The following KCNH7 variants were observed in gnomAD, a reference collection of about 807,000 sequenced individuals.
KCNH7 encodes voltage-gated inwardly rectifying potassium channel KCNH7.
Under a neutral mutation model 120.8 loss-of-function variants are expected in KCNH7, and 49 were observed. The observed-to-expected ratio is 0.41, with a 90% CI of 0.32 to 0.51. The LOEUF is 0.51. KCNH7 is among the 20% of genes least tolerant of loss of function. KCNH7 has a pLI of 0.38. For missense variants in KCNH7, 1,097 were observed against 1,446.6 expected (o/e 0.76, Z 3.92); for synonymous variants, 547 against 516.1 (o/e 1.06, Z -0.81).
At chr2:162,551,600 A>C (rs145308898) in intron 2 of KCNH7, among the ~76,000 whole-genome samples, 126 of 152,310 alleles carry the variant, frequency 8.3e-4, no homozygotes, top group African/African-American at 3.0e-3. Flanking sequence ...GAATATACTA[A>C]GGGAAAAAGA....
intron 2 of KCNH7, among the ~76,000 whole-genome samples, chr2:162,812,997 T>A (rs546184042): frequency 6.6e-6 from 1 of 151,910 alleles, no homozygotes; most frequent in Admixed American, 6.6e-5. Context: ...ATGAAAAAAG[T>A]TGTTAAGAAT....
chr2:162,747,798 T>A (rs1198524057), intron 2 of KCNH7, among the ~76,000 whole-genome samples: 2 of 152,182 alleles, frequency 1.3e-5, no homozygotes, highest in Non-Finnish European at 2.9e-5. Context: ...TATATAACAT[T>A]TTTAAAGGAA....
rs577583598 is a variant in KCNH7 at position 162,439,271 on chromosome 2, T to C, written c.1555-3674A>G. Among the ~76,000 whole-genome samples the C allele has an allele frequency of 1.1e-4, 17 of 152,274 alleles. No homozygotes were observed. In the East Asian group the frequency reaches 2.3e-3, roughly 21 times the overall value. ...CTTTTCACTGGTATTAGAAAAATAT[T>C]GTCTGTTTATTGTTATTCTTGAAAG... is the stretch of plus-strand genomic sequence containing the variant. On this transcript the variant is annotated intron_variant, in intron 7 of 15. Coordinates refer to ENST00000332142, the MANE Select transcript of KCNH7 (RefSeq NM_033272.4).
chr2:162,534,138 T>C (rs373388386), intron 3 of KCNH7, among the ~76,000 whole-genome samples: 1 of 151,564 alleles, frequency 6.6e-6, no homozygotes, highest in East Asian at 1.9e-4. Context: ...ATTTCTAAAT[T>C]CATGGGGTAT....
At chr2:162,635,623 T>G (rs1683927894) in intron 2 of KCNH7, among the ~76,000 whole-genome samples, 1 of 152,098 alleles carries the variant, frequency 6.6e-6, no homozygotes. Context: ...TCTTTTTGAA[T>G]AGTAACTATG....
chr2:162,679,600 T>C (rs775183028), intron 2 of KCNH7, among the ~76,000 whole-genome samples: 3 of 151,692 alleles, frequency 2.0e-5, no homozygotes, highest in Non-Finnish European at 4.4e-5. Flanking sequence ...AGTATGCACA[T>C]CTTGCTTTTT....
intron 4 of KCNH7, among the ~76,000 whole-genome samples, chr2:162,513,368 T>G (rs1691165049): frequency 7.2e-6 from 1 of 138,648 alleles, no homozygotes; most frequent in Admixed American, 7.1e-5. Flanking sequence ...TTTCCTTCCT[T>G]CCTTCCTTCC....
chr2:162,675,102 C>T lies in KCNH7; in HGVS notation c.308-138022G>A, dbSNP rs541669646. The stretch of plus-strand genomic sequence containing the variant: ...AAACAGCCTAATAAAATAGGAAAAA[C>T]GAGCAGATATTTTATAGAACAAGAT... On this transcript the variant is annotated intron_variant, in intron 2 of 15. Coordinates refer to ENST00000332142, the MANE Select transcript of KCNH7 (RefSeq NM_033272.4). Among the ~76,000 whole-genome samples the T allele has an allele frequency of 2.2e-3, 335 of 151,304 alleles. 3 individuals are homozygous for T. The highest frequency in any genetic ancestry group is 7.7e-3 in the African/African-American group (318 of 41,410).
intron 2 of KCNH7, among the ~76,000 whole-genome samples, chr2:162,675,438 T>C (rs537622595): frequency 1.3e-5 from 2 of 151,636 alleles, no homozygotes; most frequent in South Asian, 4.1e-4. Flanking sequence ...GCCTACAGGA[T>C]TGTTTGGAAC....
intron 2 of KCNH7, among the ~76,000 whole-genome samples, chr2:162,624,889 G>GTTTTTTTTTTTTTTTTTTTTTT (rs66562676): frequency 1.4e-5 from 1 of 69,714 alleles, no homozygotes; most frequent in African/African-American, 6.4e-5. Flanking sequence ...TGCACTCTTG[G>GTTTTTTTTTTTTTTTTTTTTTT]TTTTTTTTTT....
intron 2 of KCNH7, among the ~76,000 whole-genome samples, chr2:162,609,767 A>G (rs1326317354): frequency 6.6e-6 from 1 of 152,160 alleles, no homozygotes; most frequent in Non-Finnish European, 1.5e-5. Context: ...AGAGACTGAG[A>G]CACGAATAAT....
At chr2:162,390,298 T>C (rs887561082) in intron 12 of KCNH7, among the ~76,000 whole-genome samples, 19 of 150,384 alleles carry the variant, frequency 1.3e-4, no homozygotes, top group Admixed American at 2.0e-4. Flanking sequence ...ATATATAAAT[T>C]ATGTATATAC....
At chr2:162,648,161 G>A (rs1265907207) in intron 2 of KCNH7, among the ~76,000 whole-genome samples, 4 of 152,286 alleles carry the variant, frequency 2.6e-5, no homozygotes, top group African/African-American at 9.6e-5. Context: ...GAAGAAAAGA[G>A]GTTTAACTGA....
intron 2 of KCNH7, among the ~76,000 whole-genome samples, chr2:162,680,662 C>T (rs1469418323): frequency 6.6e-6 from 1 of 151,718 alleles, no homozygotes; most frequent in African/African-American, 2.4e-5. Context: ...AATGTAAATA[C>T]ATATCATTAG....
chr2:162,383,687 C>A (rs1014780412), intron 13 of KCNH7, among the ~76,000 whole-genome samples: 1 of 151,852 alleles, frequency 6.6e-6, no homozygotes, highest in African/African-American at 2.4e-5. Flanking sequence ...TCTTTTGATG[C>A]TTTATTATGC....
At chr2:162,427,463 G>T (rs1017779715) in intron 8 of KCNH7, among the ~76,000 whole-genome samples, 1 of 151,936 alleles carries the variant, frequency 6.6e-6, no homozygotes, top group African/African-American at 2.4e-5. Context: ...GATGATTAAT[G>T]ACATCTTTTC....
intron 2 of KCNH7, among the ~76,000 whole-genome samples, chr2:162,586,451 TAGAC>T (rs1388982999): frequency 6.6e-6 from 1 of 152,014 alleles, no homozygotes; most frequent in African/African-American, 2.4e-5. Flanking sequence ...GGAGCCATCT[TAGAC>T]AGCCCATCTC....
At chr2:162,393,706 A>G (rs1356974045) in intron 12 of KCNH7, among the ~76,000 whole-genome samples, 1 of 151,758 alleles carries the variant, frequency 6.6e-6, no homozygotes, top group Non-Finnish European at 1.5e-5. Context: ...CTTCAGGAAA[A>G]CTTTTTCCCA....
At chr2:162,658,136 T>C (rs965995381) in intron 2 of KCNH7, among the ~76,000 whole-genome samples, 8 of 151,410 alleles carry the variant, frequency 5.3e-5, no homozygotes, top group Non-Finnish European at 1.2e-4. Flanking sequence ...AGGAAGGGGG[T>C]GCTTACCAGA....
Sources: allele counts gnomAD v4.1 joint callset (sites outside exome capture counted in the v4.1 genomes callset), GRCh38; gene constraint gnomAD v4.1.1; transcripts MANE v1.5; gene names NCBI Gene and HGNC (gene_info 2026-07-23, HGNC 2026-07-21).